CRTAM: variants seen among roughly 807,000 people sequenced by gnomAD.
The protein encoded by CRTAM is cytotoxic and regulatory T-cell molecule.
In CRTAM, 44 loss-of-function variants were observed where a neutral mutation model predicts 50.0. The observed-to-expected ratio is 0.88, with a 90% CI of 0.69 to 1.13. CRTAM has a LOEUF of 1.13. Among genes scored for constraint, CRTAM ranks in the 50% most tolerant of loss-of-function variants. The probability of loss-of-function intolerance (pLI) is 0.00; values close to 1 mark genes in which losing one functional copy is unlikely to be tolerated. For synonymous variants in CRTAM, 159 were observed against 169.3 expected (o/e 0.94, Z 0.47); for missense variants, 448 against 457.5 (o/e 0.98, Z 0.19).
chr11:122,863,272 A>AAAAGAAAG (rs5795356), intron 6 of CRTAM, among the ~76,000 whole-genome samples: 3 of 140,646 alleles, frequency 2.1e-5, no homozygotes, highest in Non-Finnish European at 4.5e-5. Context: ...GAAAGAAAGA[A>AAAAGAAAG]AAAGAAAGAA....
At position 122,851,780 on chromosome 11, in the gene CRTAM, G is replaced by C. The variant is rs920761791; in HGVS notation, c.281G>C (p.Gly94Ala). 2.5e-6 allele frequency: 4 copies of C among 1,614,046 alleles called. No individual in the cohort carries two copies. Among genetic ancestry groups the C allele is most frequent in the Non-Finnish European group, 3.4e-6 (4 of 1,180,016 alleles). ...CCTAACGTAACCCTGCAAGATGAAG[G>C]CGTGTACAAGTGCTTACATTACAGC... ...TVPNVTLQDE[G>A]VYKCLHYSDS... The change falls in exon 3 of 10, where the codon GGC becomes GCC. Residue 94 changes from glycine (G) to alanine (A), a missense_variant. Physicochemically the swap from Gly to Ala is moderately conservative, Grantham distance 60 (BLOSUM62 0). Transcript: ENST00000227348.
At position 122,838,531 on chromosome 11, in the gene CRTAM, A is replaced by T; in HGVS notation, c.-16A>T. On this transcript the variant is annotated 5_prime_UTR_variant, in exon 1 of 10. Coordinates refer to ENST00000227348, the MANE Select transcript of CRTAM (RefSeq NM_019604.4). The stretch of plus-strand genomic sequence containing the variant: ...TAGAGGAAGTTGACAAAGGTGCCAC[A>T]GCAGCACAGCACAGTATGTGGTGGA... The T allele has an allele frequency of 6.2e-7, 1 of 1,613,862 alleles. No homozygotes were observed. Among genetic ancestry groups the T allele is most frequent in the East Asian group, 2.2e-5 (1 of 44,880 alleles).
Position 122,841,601 on chromosome 11 carries a change from C to T in CRTAM, c.46+3009C>T, listed in dbSNP as rs1861799460. On this transcript the variant is annotated intron_variant, in intron 1 of 9. Transcript: ENST00000227348. ...ATTTTTAGTAGAGACAGGCTTTCAC[C>T]ATGTTAGCCAGGATAGTCTCGATCT... 2.0e-5 allele frequency among the ~76,000 whole-genome samples: 3 copies of T among 151,948 alleles called. No individual in the cohort carries two copies. The South Asian group carries it at 6.2e-4, about 32-fold the overall frequency.
intron 1 of CRTAM, among the ~76,000 whole-genome samples, chr11:122,839,797 A>G (rs78061668): frequency 3.2e-4 from 49 of 152,296 alleles, no homozygotes; most frequent in African/African-American, 1.2e-3. Context: ...CTAAATCTAC[A>G]TTTAATCTGG....
chr11:122,845,533 C>T (rs964884765), intron 1 of CRTAM, among the ~76,000 whole-genome samples: 6 of 152,020 alleles, frequency 3.9e-5, no homozygotes, highest in East Asian at 1.9e-4. Flanking sequence ...GGTAAAACTC[C>T]GTCTCTGTAC....
At chr11:122,868,881 A>C (rs1436502231) in intron 9 of CRTAM, among the ~76,000 whole-genome samples, 4 of 151,988 alleles carry the variant, frequency 2.6e-5, no homozygotes, top group Non-Finnish European at 4.4e-5. Context: ...TGGTGGCAGG[A>C]GCCTGTAGTC....
At chr11:122,854,507 T>C (rs1861979122) in intron 4 of CRTAM, among the ~76,000 whole-genome samples, 1 of 141,216 alleles carries the variant, frequency 7.1e-6, no homozygotes, top group African/African-American at 2.7e-5. Context: ...ACCTCGTCCC[T>C]ACTAAAAATA....
chr11:122,857,341 C>T (rs1475246011), intron 5 of CRTAM, among the ~76,000 whole-genome samples: 1 of 152,130 alleles, frequency 6.6e-6, no homozygotes, highest in Non-Finnish European at 1.5e-5. Context: ...TGATTGTGGA[C>T]GCCTGTAATC....
At chr11:122,867,763 C>T (rs542100512) in intron 8 of CRTAM, among the ~76,000 whole-genome samples, 3 of 152,266 alleles carry the variant, frequency 2.0e-5, no homozygotes, top group South Asian at 2.1e-4. Context: ...TCAATAGAAA[C>T]TAGCATAGAT....
At chr11:122,857,489 C>A (rs1018460648) in intron 5 of CRTAM, among the ~76,000 whole-genome samples, 4 of 152,082 alleles carry the variant, frequency 2.6e-5, no homozygotes, top group Admixed American at 2.6e-4. Context: ...GAATAATAGG[C>A]TAAGACTTAA....
At chr11:122,863,151 T>C (rs2135249695) in intron 6 of CRTAM, among the ~76,000 whole-genome samples, 1 of 152,172 alleles carries the variant, frequency 6.6e-6, no homozygotes, top group African/African-American at 2.4e-5. Flanking sequence ...CTCAGAGCAA[T>C]GATTGTATAT....
chr11:122,868,796 CAGG>C (rs1862216415), intron 9 of CRTAM, among the ~76,000 whole-genome samples: 1 of 152,150 alleles, frequency 6.6e-6, no homozygotes, highest in African/African-American at 2.4e-5. Flanking sequence ...ATCACGAGGT[CAGG>C]AGATCGAGAC....
chr11:122,848,013 C>A (rs1861886678), intron 1 of CRTAM, among the ~76,000 whole-genome samples: 1 of 152,188 alleles, frequency 6.6e-6, no homozygotes, highest in African/African-American at 2.4e-5. Context: ...TGAGGAGCAG[C>A]CACAGGGCTC....
chr11:122,867,971 C>A, intron 8 of CRTAM, 42 bp from the exon 9 acceptor site: 1 of 1,164,520 alleles, frequency 8.6e-7, no homozygotes, highest in Non-Finnish European at 1.3e-6. Flanking sequence ...TCTACATGTC[C>A]ATGGCATCAG....
chr11:122,864,853 C>T, intron 7 of CRTAM, 134 bp downstream of exon 7: 1 of 631,740 alleles, frequency 1.6e-6, no homozygotes, highest in Non-Finnish European at 2.8e-6. Context: ...TAATCACTCC[C>T]TTGTCCCTCC....
At chr11:122,862,611 C>T in intron 6 of CRTAM, 67 bp downstream of exon 6, 1 of 1,024,704 alleles carries the variant, frequency 9.8e-7, no homozygotes, top group Non-Finnish European at 1.5e-6. Flanking sequence ...TTATTTTTCT[C>T]ATTCTAAGTT....
Position 122,854,068 on chromosome 11 carries a change from A to G in CRTAM, c.472A>G (p.Asn158Asp), listed in dbSNP as rs1861971206. 1 of 1,613,812 alleles carries G rather than the reference A, an allele frequency of 6.2e-7. No individual in the cohort carries two copies. Among genetic ancestry groups the G allele is most frequent in the Non-Finnish European group, 8.5e-7 (1 of 1,179,910 alleles). Residue 158 changes from asparagine (N) to aspartate (D), a missense_variant, in exon 4 of 10, where the codon AAT becomes GAT. By Grantham distance (23) the Asn-to-Asp change is conservative. Transcript: ENST00000227348. ...PPPQITWLLGNSMEVSGGTLH... is the reference protein window; with the variant it reads ...PPPQITWLLGDSMEVSGGTLH... Reference sequence around the variant, plus strand: ...TCCGCAGATAACCTGGCTACTTGGGAATAGCATGGAAGTGTCCGGTAAGGG... The same window carrying G: ...TCCGCAGATAACCTGGCTACTTGGGGATAGCATGGAAGTGTCCGGTAAGGG...
At position 122,867,225 on chromosome 11, in the gene CRTAM, G is replaced by C. The variant is rs189089327; in HGVS notation, c.818-184G>C. On this transcript the variant is annotated intron_variant, in intron 7 of 9. Transcript: ENST00000227348. ...TGCCTTGTTTGTTGTATGCCTGTTT[G>C]CTTGTTCTCAGAGAATGAACAATGT... Among the ~76,000 whole-genome samples the C allele has an allele frequency of 3.7e-3, 555 of 152,010 alleles. 2 individuals are homozygous for C. The highest frequency in any genetic ancestry group is 0.013 in the African/African-American group (524 of 41,488).
At chr11:122,871,057 T>A (rs528400933) in intron 9 of CRTAM, among the ~76,000 whole-genome samples, 5 of 152,080 alleles carry the variant, frequency 3.3e-5, no homozygotes, top group Admixed American at 3.3e-4. Flanking sequence ...TCAGCCTGGG[T>A]GGCAGAGTGA....
Sources: gnomAD v4.1 joint callset for allele counts (sites outside exome capture counted in the v4.1 genomes callset) on GRCh38, gnomAD v4.1.1 for gene constraint, MANE v1.5 for transcripts, NCBI Gene and HGNC (gene_info 2026-07-23, HGNC 2026-07-21) for gene names.